The following PPP1R21 variants were observed in gnomAD, a reference collection of about 807,000 sequenced individuals.
PPP1R21 encodes KLRAQ motif containing 1.
A neutral mutation model predicts 112.8 loss-of-function variants in PPP1R21; 85 were observed. The observed-to-expected ratio is 0.75, with a 90% CI of 0.63 to 0.90. The LOEUF is 0.90. Ranked by LOEUF, PPP1R21 falls within the 40% of genes least tolerant of loss-of-function variation. PPP1R21 has a pLI of 0.00. For synonymous variants in PPP1R21, 381 were observed against 322.3 expected, an observed-to-expected ratio of 1.18 and a Z score of -1.95; for missense variants, 1,199 against 901.5, an observed-to-expected ratio of 1.33 and a Z score of -4.23.
rs1667809807 is a variant in PPP1R21, at chr2:48,458,210, G to C, written c.358G>C (p.Glu120Gln). The C allele has an allele frequency of 1.9e-6, 3 of 1,609,884 alleles. No individual in the cohort carries two copies. Among genetic ancestry groups the C allele is most frequent in the Non-Finnish European group, 1.7e-6 (2 of 1,176,918 alleles). Reference sequence around the variant, plus strand: ...TCTGCAAAAGAAGATAGAAGAGAATGAACGGTTGCATATACAAGTGAGAAA... The same window carrying C: ...TCTGCAAAAGAAGATAGAAGAGAATCAACGGTTGCATATACAAGTGAGAAA... ...EDLQKKIEEN[E>Q]RLHIQFFEAD... The change falls in exon 4 of 22, where the codon GAA becomes CAA. Residue 120 changes from glutamate (E) to glutamine (Q), a missense_variant. By Grantham distance (29) the Glu-to-Gln change is conservative. Coordinates refer to ENST00000294952, the MANE Select transcript of PPP1R21 (RefSeq NM_001135629.3).
At chr2:48,498,436 G>C in intron 16 of PPP1R21, 57 bp from the exon 17 acceptor site, 1 of 1,577,522 alleles carries the variant, frequency 6.3e-7, no homozygotes, top group Non-Finnish European at 8.7e-7. Flanking sequence ...TAGTTTTTGG[G>C]CCACTAAGGT....
At chr2:48,458,323 G>A in intron 4 of PPP1R21, 96 bp downstream of exon 4, 1 of 729,982 alleles carries the variant, frequency 1.4e-6, no homozygotes, top group Non-Finnish European at 2.4e-6. Context: ...GTGTCTGCGT[G>A]GGTATTTTAA....
intron 3 of PPP1R21, among the ~76,000 whole-genome samples, chr2:48,456,920 T>C (rs142578819): frequency 0.16 from 24,207 of 151,834 alleles, 2,064 homozygotes; most frequent in Admixed American, 0.22. Flanking sequence ...AGCATGGTGG[T>C]ATGTGCCTGT....
At chr2:48,472,625 CAA>C (rs756647260) in intron 11 of PPP1R21, among the ~76,000 whole-genome samples, 2 of 120,022 alleles carry the variant, frequency 1.7e-5, no homozygotes, top group African/African-American at 3.1e-5. Flanking sequence ...GACTCCGTCT[CAA>C]AAAAAAAAAA....
chr2:48,493,940 A>T (rs997506870), intron 15 of PPP1R21, among the ~76,000 whole-genome samples: 1 of 151,596 alleles, frequency 6.6e-6, no homozygotes, highest in Non-Finnish European at 1.5e-5. Context: ...AAAATGTTGC[A>T]GCCGGGTGCA....
intron 21 of PPP1R21, among the ~76,000 whole-genome samples, chr2:48,513,425 G>C (rs575623617): frequency 1.3e-5 from 2 of 151,546 alleles, no homozygotes; most frequent in East Asian, 3.9e-4. Flanking sequence ...GCTCAGGCTG[G>C]TCTCAAACTC....
intron 13 of PPP1R21, among the ~76,000 whole-genome samples, chr2:48,485,917 AC>A: frequency 1.2e-4 from 1 of 8,354 alleles, no homozygotes; most frequent in African/African-American, 4.4e-4. Flanking sequence ...GTATATACTA[AC>A]TAATATATAC....
chr2:48,451,047 G>T lies in PPP1R21; in HGVS notation c.97G>T (p.Asp33Tyr), dbSNP rs755546165. The change falls in exon 2 of 22, where the codon GAT becomes TAT. Residue 33 changes from aspartate to tyrosine, a missense_variant. Transcript: ENST00000294952. ...QNQVLKKGVV[D>Y]EQANSAALKE... ...TCAGGTTCTGAAAAAAGGTGTTGTG[G>T]ATGAACAAGCAAATTCTGCAGCTTT... is the stretch of plus-strand genomic sequence containing the variant. The T allele has an allele frequency of 6.2e-7, 1 of 1,613,854 alleles. No individual in the cohort carries two copies. The highest frequency in any genetic ancestry group is 1.1e-5 in the South Asian group (1 of 91,064).
At chr2:48,449,025 A>C (rs557940419) in intron 1 of PPP1R21, among the ~76,000 whole-genome samples, 2 of 150,860 alleles carry the variant, frequency 1.3e-5, no homozygotes, top group African/African-American at 4.9e-5. Flanking sequence ...AATCTCTTCT[A>C]CTTTTTTTTT....
intron 12 of PPP1R21, among the ~76,000 whole-genome samples, chr2:48,478,582 A>T (rs1490850533): frequency 6.6e-6 from 1 of 152,168 alleles, no homozygotes; most frequent in Admixed American, 6.5e-5. Flanking sequence ...TCAATTGTCT[A>T]TTCAGAGAAT....
chr2:48,444,710 T>C (rs1326594837), intron 1 of PPP1R21, among the ~76,000 whole-genome samples: 1 of 152,196 alleles, frequency 6.6e-6, no homozygotes, highest in African/African-American at 2.4e-5. Flanking sequence ...CCTGCACCTA[T>C]TGAATCTGAA....
chr2:48,474,005 T>G (rs1382639431), intron 11 of PPP1R21, among the ~76,000 whole-genome samples: 1 of 152,226 alleles, frequency 6.6e-6, no homozygotes, highest in East Asian at 1.9e-4. Flanking sequence ...TAATACCAGT[T>G]CCTGTTTAAT....
At position 48,486,703 on chromosome 2, in the gene PPP1R21, C is replaced by G. The variant is rs1315784769; in HGVS notation, c.1391C>G (p.Thr464Arg). 4 of 1,613,794 alleles carry G rather than the reference C, an allele frequency of 2.5e-6. No homozygotes were observed. The African/African-American group carries it at 5.3e-5, about 22-fold the overall frequency. Residue 464 changes from threonine (T) to arginine (R), a missense_variant, in exon 14 of 22, where the codon ACA becomes AGA. Thr to Arg is a moderately conservative substitution (Grantham distance 71). Transcript: ENST00000294952. Reference sequence around the variant, plus strand: ...CCAACAGCAACACAGAAGCTGATAACAACTAATGACTGTATCCTGTCATCA... The same window carrying G: ...CCAACAGCAACACAGAAGCTGATAAGAACTAATGACTGTATCCTGTCATCA... ...ELPTATQKLI[T>R]TNDCILSSVV... is the part of the protein sequence containing the mutation.
intron 4 of PPP1R21, among the ~76,000 whole-genome samples, chr2:48,458,588 T>A (rs1667828667): frequency 6.6e-6 from 1 of 151,974 alleles, no homozygotes; most frequent in Non-Finnish European, 1.5e-5. Flanking sequence ...CCTTTTTTTT[T>A]TTTTTTTAAC....
rs1308909945 is a variant in PPP1R21 at position 48,464,973 on chromosome 2, A to G, written c.731A>G (p.His244Arg). 6.4e-7 allele frequency: 1 copy of G among 1,557,876 alleles called. No individual in the cohort carries two copies. Among genetic ancestry groups the G allele is most frequent in the East Asian group, 2.4e-5 (1 of 41,586 alleles). ...TACAACGCTCTGAACGTTCCACTCC[A>G]CAATAGGAGACACCAGGTAAAGGAT... ...SQYNALNVPL[H>R]NRRHQLKMRD... The change falls in exon 8 of 22, where the codon CAC (histidine) becomes CGC (arginine). Residue 244 changes from histidine (H) to arginine (R), a missense_variant. His to Arg is a conservative substitution (Grantham distance 29, BLOSUM62 0). Transcript: ENST00000294952.
At chr2:48,460,643 G>A (rs997882611) in intron 6 of PPP1R21, among the ~76,000 whole-genome samples, 2 of 152,160 alleles carry the variant, frequency 1.3e-5, no homozygotes, top group Non-Finnish European at 2.9e-5. Context: ...TCAACTAAGT[G>A]AATTTCTCAT....
intron 5 of PPP1R21, 59 bp from the exon 6 acceptor site, chr2:48,460,036 G>T: frequency 1.2e-6 from 2 of 1,604,914 alleles, no homozygotes; most frequent in Admixed American, 3.4e-5. Flanking sequence ...GTCTTACTAA[G>T]TGTGCTCCTA....
chr2:48,472,873 C>T (rs1000177804), intron 11 of PPP1R21, among the ~76,000 whole-genome samples: 2 of 150,492 alleles, frequency 1.3e-5, no homozygotes, highest in African/African-American at 4.9e-5. Flanking sequence ...ATCACTTGAG[C>T]CCAGGAGTTT....
chr2:48,465,455 T>G, intron 8 of PPP1R21, 38 bp from the exon 9 acceptor site: 1 of 1,568,996 alleles, frequency 6.4e-7, no homozygotes, highest in Non-Finnish European at 8.6e-7. Context: ...GATAATAATT[T>G]GAGAGTTGAC....
Sources: allele counts gnomAD v4.1 joint callset (sites outside exome capture counted in the v4.1 genomes callset), GRCh38; gene constraint gnomAD v4.1.1; transcripts MANE v1.5; gene names NCBI Gene and HGNC (gene_info 2026-07-23, HGNC 2026-07-21).